The following SETBP1 variants were observed in gnomAD, a reference collection of about 807,000 sequenced individuals.
SETBP1 encodes SET-binding protein.
Under a neutral mutation model 101.0 loss-of-function variants are expected in SETBP1, and 9 were observed. The observed-to-expected ratio is 0.09, with a 90% CI of 0.05 to 0.16. The LOEUF is 0.16. Ranked by LOEUF, SETBP1 falls within the 10% of genes least tolerant of loss-of-function variation. SETBP1 has a pLI of 1.00. For synonymous variants in SETBP1, 818 were observed against 788.5 expected, an observed-to-expected ratio of 1.04 and a Z score of -0.63; for missense variants, 1,858 against 2,033.8, an observed-to-expected ratio of 0.91 and a Z score of 1.66.
chr18:44,731,268 C>T (rs1366961608), intron 2 of SETBP1, among the ~76,000 whole-genome samples: 1 of 152,236 alleles, frequency 6.6e-6, no homozygotes, highest in Non-Finnish European at 1.5e-5. Context: ...CCCCCACATT[C>T]TGTTGACTAA....
chr18:44,694,093 T>C (rs1241038250), intron 1 of SETBP1, among the ~76,000 whole-genome samples: 3 of 152,186 alleles, frequency 2.0e-5, no homozygotes, highest in Non-Finnish European at 4.4e-5. Flanking sequence ...AGAAAAGACT[T>C]TTCTCAGTTC....
At position 44,974,449 on chromosome 18, in the gene SETBP1, A is replaced by G. The variant is rs533295580; in HGVS notation, c.4000+21109A>G. Among the ~76,000 whole-genome samples, 3 of 152,278 alleles carry G rather than the reference A, an allele frequency of 2.0e-5. No individual in the cohort carries two copies. In the East Asian group the frequency reaches 5.8e-4, roughly 29 times the overall value. ...ACTGCAGGACTGCAGAAAGGCAAAGAGGAGGGAGTTGGAGGGAGGAGTCTA... is the reference window on the plus strand; with the variant it reads ...ACTGCAGGACTGCAGAAAGGCAAAGGGGAGGGAGTTGGAGGGAGGAGTCTA... On this transcript the variant is annotated intron_variant, in intron 4 of 5. Coordinates refer to ENST00000649279, the MANE Select transcript of SETBP1 (RefSeq NM_015559.3).
chr18:44,882,094 A>G (rs2069542789), intron 3 of SETBP1, among the ~76,000 whole-genome samples: 1 of 152,146 alleles, frequency 6.6e-6, no homozygotes, highest in Admixed American at 6.5e-5. Context: ...AATGTCAAAC[A>G]TACAGATCAT....
At chr18:44,830,176 A>C (rs1179983132) in intron 2 of SETBP1, among the ~76,000 whole-genome samples, 1 of 152,212 alleles carries the variant, frequency 6.6e-6, no homozygotes, top group Non-Finnish European at 1.5e-5. Flanking sequence ...TTCATTGAGA[A>C]TCCACAAAAG....
At chr18:44,763,132 T>C (rs950596406) in intron 2 of SETBP1, among the ~76,000 whole-genome samples, 1 of 152,140 alleles carries the variant, frequency 6.6e-6, no homozygotes, top group African/African-American at 2.4e-5. Context: ...GGCCTAAAAA[T>C]TAAATAGAGA....
chr18:44,807,394 A>C (rs1040735176), intron 2 of SETBP1, among the ~76,000 whole-genome samples: 2 of 152,098 alleles, frequency 1.3e-5, no homozygotes, highest in African/African-American at 4.8e-5. Context: ...TCAGAATCAC[A>C]AAACTTTTTC....
At position 44,716,498 on chromosome 18, in the gene SETBP1, T is replaced by C. The variant is rs184392060; in HGVS notation, c.486+14666T>C. ...TGAAGGTTCTTTGGTGTCCAGGCTC[T>C]TTATGTTTTCTTATTTCTGAAAAAT... is the stretch of plus-strand genomic sequence containing the variant. On this transcript the variant is annotated intron_variant, in intron 2 of 5. Transcript: ENST00000649279. Among the ~76,000 whole-genome samples the C allele has an allele frequency of 3.9e-5, 6 of 152,330 alleles. No homozygotes were observed. The East Asian group carries it at 1.2e-3, about 29-fold the overall frequency.
At position 44,736,033 on chromosome 18, in the gene SETBP1, C is replaced by T. The variant is rs149029369; in HGVS notation, c.486+34201C>T. Among the ~76,000 whole-genome samples the T allele has an allele frequency of 2.1e-3, 315 of 152,276 alleles. 1 individual carries two copies. Among genetic ancestry groups the T allele is most frequent in the Non-Finnish European group, 3.5e-3 (239 of 68,024 alleles). ...GAATCATGAAGAACATTTTTACCTC[C>T]AAATGCAGGTCACTCTACTGGTCTT... On this transcript the variant is annotated intron_variant, in intron 2 of 5. Transcript: ENST00000649279.
At chr18:44,989,992 T>C (rs1192347670) in intron 4 of SETBP1, among the ~76,000 whole-genome samples, 2 of 150,618 alleles carry the variant, frequency 1.3e-5, no homozygotes, top group Non-Finnish European at 2.9e-5. Flanking sequence ...ATTAGGTTTT[T>C]AGCCAACATC....
At chr18:44,894,692 C>T (rs987248693) in intron 3 of SETBP1, among the ~76,000 whole-genome samples, 20 of 151,868 alleles carry the variant, frequency 1.3e-4, no homozygotes, top group African/African-American at 4.8e-4. Context: ...AATGCATTCT[C>T]CCATTTTATT....
At chr18:44,761,739 A>T (rs973032498) in intron 2 of SETBP1, among the ~76,000 whole-genome samples, 1 of 152,256 alleles carries the variant, frequency 6.6e-6, no homozygotes, top group African/African-American at 2.4e-5. Context: ...TTGCTTTTGA[A>T]TGGACCTTTG....
chr18:44,729,821 T>C (rs12958322), intron 2 of SETBP1, among the ~76,000 whole-genome samples: 83,638 of 151,820 alleles, frequency 0.55, 23,325 homozygotes, highest in Middle Eastern at 0.65. Context: ...TTGCAAAGAG[T>C]GGTCTGGCTA....
chr18:44,952,943 T>C lies in SETBP1; in HGVS notation c.3603T>C (p.Ser1201=), dbSNP rs776842293. 11 of 1,613,690 alleles carry C rather than the reference T, an allele frequency of 6.8e-6. No individual in the cohort carries two copies. The African/African-American group carries it at 1.5e-4, about 22-fold the overall frequency. Reference sequence around the variant, plus strand: ...CAGACAAAGAGCTCCCGCTGGTGAGTGAGAAGAACAAGCATAAGGAGAAAC... The same window carrying C: ...CAGACAAAGAGCTCCCGCTGGTGAGCGAGAAGAACAAGCATAAGGAGAAAC... ...SSADKELPLV[S]EKNKHKEKQK... is the part of the protein sequence containing the mutation. Residue 1201 remains serine (S), a synonymous_variant, in exon 4 of 6, where the codon AGT becomes AGC. Transcript: ENST00000649279.
chr18:44,711,002 T>C (rs2069326614), intron 2 of SETBP1, among the ~76,000 whole-genome samples: 1 of 152,054 alleles, frequency 6.6e-6, no homozygotes, highest in African/African-American at 2.4e-5. Context: ...TGCAAACACC[T>C]TCACTGATTT....
chr18:44,761,521 C>G (rs2070645225), intron 2 of SETBP1, among the ~76,000 whole-genome samples: 1 of 152,214 alleles, frequency 6.6e-6, no homozygotes, highest in Non-Finnish European at 1.5e-5. Context: ...GATCATAGCA[C>G]AGCTAGATCA....
At chr18:44,945,593 G>C (rs1346511381) in intron 3 of SETBP1, among the ~76,000 whole-genome samples, 3 of 152,128 alleles carry the variant, frequency 2.0e-5, no homozygotes, top group Non-Finnish European at 4.4e-5. Context: ...AGGCAGCCAG[G>C]CAGCCATGAA....
chr18:44,800,316 T>A (rs2071578456), intron 2 of SETBP1, among the ~76,000 whole-genome samples: 1 of 152,158 alleles, frequency 6.6e-6, no homozygotes, highest in African/African-American at 2.4e-5. Flanking sequence ...TGCTTTCACT[T>A]TCTTTTGGGG....
At chr18:44,964,932 CGG>C (rs2071689053) in intron 4 of SETBP1, among the ~76,000 whole-genome samples, 1 of 152,046 alleles carries the variant, frequency 6.6e-6, no homozygotes, top group Admixed American at 6.6e-5. Context: ...ATTATCCAAA[CGG>C]GGATACATTT....
chr18:44,842,204 A>G (rs2072631283), intron 2 of SETBP1, among the ~76,000 whole-genome samples: 1 of 152,186 alleles, frequency 6.6e-6, no homozygotes, highest in Non-Finnish European at 1.5e-5. Context: ...TGCCACTTGG[A>G]TGGTGGGCAT....
Sources: allele counts gnomAD v4.1 joint callset (sites outside exome capture counted in the v4.1 genomes callset), GRCh38; gene constraint gnomAD v4.1.1; transcripts MANE v1.5; gene names NCBI Gene and HGNC (gene_info 2026-07-23, HGNC 2026-07-21).